Variants in ATG14 observed in about 807,000 individuals in gnomAD.
ATG14 encodes the protein autophagy related 14.
Under a neutral mutation model 60.4 loss-of-function variants are expected in ATG14, and 35 were observed. The observed-to-expected ratio is 0.58, with a 90% confidence interval of 0.44 to 0.77. ATG14 has a LOEUF of 0.77. Among genes scored for constraint, ATG14 ranks in the 30% least tolerant of loss-of-function variants. The probability of loss-of-function intolerance (pLI) is 0.00; values close to 1 mark genes in which losing one functional copy is unlikely to be tolerated. For missense variants in ATG14, 647 were observed against 626.3 expected (o/e 1.03, Z -0.35); for synonymous variants, 234 against 228.8 (o/e 1.02, Z -0.21).
intron 4 of ATG14, among the ~76,000 whole-genome samples, chr14:55,386,968 G>A (rs960826847): frequency 6.6e-6 from 1 of 152,154 alleles, no homozygotes; most frequent in African/African-American, 2.4e-5. Flanking sequence ...TTTTTGACGT[G>A]TCCACTGCCT....
At chr14:55,377,347 CAAAAA>C (rs903887080) in intron 9 of ATG14, among the ~76,000 whole-genome samples, 1 of 144,426 alleles carries the variant, frequency 6.9e-6, no homozygotes, top group Non-Finnish European at 1.5e-5. Context: ...AACCCCATCT[CAAAAA>C]AAAAAGGAAA....
At chr14:55,397,085 A>G (rs1265587781) in intron 2 of ATG14, among the ~76,000 whole-genome samples, 1 of 152,218 alleles carries the variant, frequency 6.6e-6, no homozygotes, top group Non-Finnish European at 1.5e-5. Flanking sequence ...AAGTCTACTA[A>G]TCATGCTGAC....
intron 3 of ATG14, among the ~76,000 whole-genome samples, chr14:55,391,842 C>A (rs1181710129): frequency 6.6e-6 from 1 of 152,148 alleles, no homozygotes; most frequent in Non-Finnish European, 1.5e-5. Flanking sequence ...ACCCAATAAG[C>A]AACTAGTACT....
rs1047730381 is a variant in ATG14, at chr14:55,368,225, T to C, written c.*1394A>G. 2.0e-5 allele frequency: 3 copies of C among 152,274 alleles called. No individual in the cohort carries two copies. Among genetic ancestry groups the C allele is most frequent in the South Asian group, 4.2e-4 (2 of 4,810 alleles). 9.4% of individuals were successfully genotyped at this position (152,274 alleles called of 1,614,324 possible). A position where few individuals can be genotyped will look rare whatever the true frequency, so the allele number is the denominator to read the frequency against. On this transcript the variant is annotated 3_prime_UTR_variant, in exon 10 of 10. Coordinates refer to ENST00000247178, the MANE Select transcript of ATG14 (RefSeq NM_014924.5). The stretch of plus-strand genomic sequence containing the variant: ...AAAATGATCTCCTGCTGAGGGAAAT[T>C]CTTTTTTTTTTTGAGACGGAGTTTC...
At chr14:55,394,024 T>G (rs1885269704) in intron 3 of ATG14, among the ~76,000 whole-genome samples, 2 of 149,088 alleles carry the variant, frequency 1.3e-5, no homozygotes, top group Admixed American at 6.7e-5. Flanking sequence ...TTTTTTTTTT[T>G]GAGATGGAGT....
At chr14:55,386,171 A>C in intron 4 of ATG14, 75 bp from the exon 5 acceptor site, 1 of 1,245,632 alleles carries the variant, frequency 8.0e-7, no homozygotes, top group Non-Finnish European at 1.1e-6. Context: ...CACCCCACAA[A>C]CATGCGTGTT....
chr14:55,403,389 C>T (rs1198335715), intron 1 of ATG14, among the ~76,000 whole-genome samples: 2 of 152,132 alleles, frequency 1.3e-5, no homozygotes, highest in Non-Finnish European at 2.9e-5. Context: ...TAACTACACT[C>T]GCTTCTTCTG....
At chr14:55,380,875 A>ATATTTTTT (rs377330757) in intron 6 of ATG14, among the ~76,000 whole-genome samples, 185 bp from the exon 7 acceptor site, 1 of 112,728 alleles carries the variant, frequency 8.9e-6, no homozygotes, top group Non-Finnish European at 1.7e-5. Flanking sequence ...ATATATATAT[A>ATATTTTTT]TTTTTTTTTT....
At chr14:55,402,894 A>C (rs1485173396) in intron 1 of ATG14, among the ~76,000 whole-genome samples, 2 of 14,758 alleles carry the variant, frequency 1.4e-4, no homozygotes, top group Non-Finnish European at 2.5e-4. Flanking sequence ...CCATCTCTAC[A>C]AAAAAAAAAA....
chr14:55,376,533 C>G (rs767859676), intron 9 of ATG14, among the ~76,000 whole-genome samples: 1 of 152,096 alleles, frequency 6.6e-6, no homozygotes, highest in Non-Finnish European at 1.5e-5. Context: ...ATAAAGGAGT[C>G]TATGTCCTGG....
intron 6 of ATG14, among the ~76,000 whole-genome samples, chr14:55,381,519 GAATA>G (rs1337103804): frequency 1.3e-5 from 2 of 152,164 alleles, no homozygotes; most frequent in Non-Finnish European, 1.5e-5. Flanking sequence ...AGTGATGAAT[GAATA>G]AATAAAATGT....
At chr14:55,405,192 C>G (rs773929978) in intron 1 of ATG14, among the ~76,000 whole-genome samples, 10 of 152,090 alleles carry the variant, frequency 6.6e-5, no homozygotes, top group Non-Finnish European at 8.8e-5. Context: ...GAATTGAATT[C>G]TCAAGACAAT....
At chr14:55,397,480 A>G in intron 1 of ATG14, 46 bp from the exon 2 acceptor site, 2 of 1,436,288 alleles carry the variant, frequency 1.4e-6, no homozygotes, top group Admixed American at 3.4e-5. Flanking sequence ...TCATTTTTTC[A>G]GTTCAATGAG....
At chr14:55,405,587 A>G (rs1030197528) in intron 1 of ATG14, among the ~76,000 whole-genome samples, 2 of 152,128 alleles carry the variant, frequency 1.3e-5, no homozygotes, top group Non-Finnish European at 2.9e-5. Context: ...CCATTCCCCC[A>G]CCTAACATGA....
chr14:55,395,639 A>C (rs935716061), intron 3 of ATG14, among the ~76,000 whole-genome samples: 2 of 152,246 alleles, frequency 1.3e-5, no homozygotes, highest in African/African-American at 4.8e-5. Context: ...TTAATCATTA[A>C]TCCATTTGGA....
Position 55,390,938 on chromosome 14 carries a change from A to C in ATG14, c.382T>G (p.Cys128Gly). 1 of 1,604,134 alleles carries C rather than the reference A, an allele frequency of 6.2e-7. No homozygotes were observed. The highest frequency in any genetic ancestry group is 8.5e-7 in the Non-Finnish European group (1 of 1,173,864). Residue 128 changes from cysteine (C) to glycine (G), a missense_variant, in exon 4 of 10, where the codon TGT becomes GGT. Physicochemically the swap from Cys to Gly is radical, Grantham distance 159. Coordinates refer to ENST00000247178, the MANE Select transcript of ATG14 (RefSeq NM_014924.5). ...MRIEQLKQTICKGNEEMEKNS... is the reference protein window; with the variant it reads ...MRIEQLKQTIGKGNEEMEKNS... ...TTCTCCATTTCTTCATTTCCTTTAC[A>C]TATTGTTTGTTTTAACTGTTCAATC...
At chr14:55,406,868 A>G (rs548726740) in intron 1 of ATG14, among the ~76,000 whole-genome samples, 1 of 151,992 alleles carries the variant, frequency 6.6e-6, no homozygotes, top group African/African-American at 2.4e-5. Context: ...TATTTGCTTT[A>G]TATTTTTCTG....
At chr14:55,380,437 C>A in intron 7 of ATG14, 136 bp downstream of exon 7, 1 of 605,506 alleles carries the variant, frequency 1.7e-6, no homozygotes, top group Non-Finnish European at 2.9e-6. Flanking sequence ...TGAAATTAAT[C>A]TCAATATTTC....
intron 5 of ATG14, among the ~76,000 whole-genome samples, chr14:55,382,903 A>G (rs1298559662): frequency 6.6e-6 from 1 of 152,242 alleles, no homozygotes; most frequent in East Asian, 1.9e-4. Context: ...AATATAAATA[A>G]TTCATTCAAA....
Sources: allele counts gnomAD v4.1 joint callset (sites outside exome capture counted in the v4.1 genomes callset), GRCh38; gene constraint gnomAD v4.1.1; transcripts MANE v1.5; gene names NCBI Gene and HGNC (gene_info 2026-07-23, HGNC 2026-07-21).